Variants in RBFOX1 observed in about 807,000 individuals in gnomAD.
The protein encoded by RBFOX1 is RNA binding protein fox-1 homolog 1.
RBFOX1 carries 8 observed loss-of-function variants against 57.7 expected under a neutral mutation model. That is an observed-to-expected ratio of 0.14 (90% confidence interval 0.08 to 0.25). The LOEUF (loss-of-function observed/expected upper bound fraction) is 0.25, where lower values mean the gene tolerates loss of function less well. RBFOX1 is among the 10% of genes least tolerant of loss of function. RBFOX1 has a pLI of 1.00. For synonymous variants in RBFOX1, 326 were observed against 222.4 expected (o/e 1.47, Z -4.15); for missense variants, 611 against 548.5 (o/e 1.11, Z -1.14).
At chr16:7,419,472 G>C (rs1459834980) in intron 4 of RBFOX1, among the ~76,000 whole-genome samples, 1 of 152,240 alleles carries the variant, frequency 6.6e-6, no homozygotes, top group African/African-American at 2.4e-5. Flanking sequence ...TGAGGGGGCA[G>C]ATTGTATTGT....
At chr16:6,271,495 A>T (rs1449382578) in intron 1 of RBFOX1, among the ~76,000 whole-genome samples, 1 of 152,154 alleles carries the variant, frequency 6.6e-6, no homozygotes, top group Non-Finnish European at 1.5e-5. Flanking sequence ...CAAAACAGTA[A>T]AACAATAGAG....
chr16:6,757,652 G>C (rs112604558), intron 3 of RBFOX1, among the ~76,000 whole-genome samples: 1 of 152,136 alleles, frequency 6.6e-6, no homozygotes, highest in Non-Finnish European at 1.5e-5. Flanking sequence ...GGGAAGGGTA[G>C]AGAAGGTGGG....
intron 13 of RBFOX1, among the ~76,000 whole-genome samples, chr16:7,672,957 A>G (rs372654981): frequency 6.6e-6 from 1 of 151,592 alleles, no homozygotes; most frequent in East Asian, 1.9e-4. Flanking sequence ...TATATAGTAA[A>G]TAAGATTTAA....
chr16:6,925,587 C>T (rs1033743558), intron 3 of RBFOX1, among the ~76,000 whole-genome samples: 5 of 151,708 alleles, frequency 3.3e-5, no homozygotes, highest in African/African-American at 4.8e-5. Flanking sequence ...TAGTTGGTGG[C>T]ATAGAGGAGG....
intron 2 of RBFOX1, among the ~76,000 whole-genome samples, chr16:6,567,076 T>G (rs1483116588): frequency 9.9e-5 from 15 of 152,186 alleles, no homozygotes; most frequent in Non-Finnish European, 1.9e-4. Flanking sequence ...TGAGTTAGTT[T>G]CCCATGAGAC....
At chr16:7,707,922 A>T (rs552929101) in intron 14 of RBFOX1, among the ~76,000 whole-genome samples, 1 of 152,292 alleles carries the variant, frequency 6.6e-6, no homozygotes, top group South Asian at 2.1e-4. Context: ...GCTTTCAAGG[A>T]AGGACGTCAG....
At chr16:6,271,087 A>G (rs1399773354) in intron 1 of RBFOX1, among the ~76,000 whole-genome samples, 7 of 152,214 alleles carry the variant, frequency 4.6e-5, no homozygotes, top group Non-Finnish European at 1.0e-4. Flanking sequence ...ATTAGAGAAG[A>G]GGAAAAGCTT....
At chr16:6,198,234 G>A (rs533613192) in intron 1 of RBFOX1, among the ~76,000 whole-genome samples, 4 of 152,184 alleles carry the variant, frequency 2.6e-5, no homozygotes, top group Admixed American at 1.3e-4. Flanking sequence ...TGAGGTTAGC[G>A]CCAAGACAAG....
At chr16:6,590,237 C>G (rs955891449) in intron 2 of RBFOX1, among the ~76,000 whole-genome samples, 1 of 152,112 alleles carries the variant, frequency 6.6e-6, no homozygotes, top group African/African-American at 2.4e-5. Context: ...TGATTCAGTT[C>G]GATTATCTTT....
At chr16:7,375,745 A>G (rs1036289903) in intron 4 of RBFOX1, among the ~76,000 whole-genome samples, 1 of 152,144 alleles carries the variant, frequency 6.6e-6, no homozygotes, top group Non-Finnish European at 1.5e-5. Context: ...AAATAAAATG[A>G]ATGATTTTTC....
At position 7,516,350 on chromosome 16, in the gene RBFOX1, G is replaced by A. The variant is rs138019837; in HGVS notation, c.28-1797G>A. On this transcript the variant is annotated intron_variant, in intron 4 of 15. Coordinates refer to ENST00000550418, the MANE Select transcript of RBFOX1 (RefSeq NM_018723.4). ...TGGGACTATCTCAGTGGGACCATCT[G>A]ATTGGCCAGGCTGATGTCCTATGGC... is the stretch of plus-strand genomic sequence containing the variant. Among the ~76,000 whole-genome samples the A allele has an allele frequency of 1.4e-4, 21 of 152,170 alleles. No individual in the cohort carries two copies. In the East Asian group the frequency reaches 2.3e-3, roughly 17 times the overall value.
At chr16:5,538,919 T>C (rs2044816411) in intron 2 of RBFOX1, among the ~76,000 whole-genome samples, 1 of 147,992 alleles carries the variant, frequency 6.8e-6, no homozygotes, top group African/African-American at 2.4e-5. Flanking sequence ...TGCACAATTC[T>C]TATATCTAGG....
intron 14 of RBFOX1, among the ~76,000 whole-genome samples, chr16:7,680,685 C>A (rs575029548): frequency 3.3e-5 from 5 of 152,248 alleles, no homozygotes; most frequent in African/African-American, 1.2e-4. Context: ...TGGCAACCAA[C>A]ATAATTTTGT....
intron 2 of RBFOX1, among the ~76,000 whole-genome samples, chr16:6,562,059 C>A (rs752745193): frequency 6.6e-6 from 1 of 152,158 alleles, no homozygotes; most frequent in East Asian, 1.9e-4. Context: ...GGATATTACT[C>A]ATTTCCATCA....
chr16:6,553,886 G>A (rs900974074), intron 2 of RBFOX1, among the ~76,000 whole-genome samples: 9 of 152,048 alleles, frequency 5.9e-5, no homozygotes, highest in African/African-American at 9.7e-5. Context: ...CCTGGGAGTC[G>A]GTTTTATAGA....
At chr16:7,612,366 TC>T (rs1378553294) in intron 10 of RBFOX1, among the ~76,000 whole-genome samples, 2 of 144,548 alleles carry the variant, frequency 1.4e-5, no homozygotes, top group African/African-American at 5.1e-5. Flanking sequence ...TGATTGTAAG[TC>T]CCCACACACA....
chr16:6,886,489 A>T (rs556480716), intron 3 of RBFOX1, among the ~76,000 whole-genome samples: 1 of 152,210 alleles, frequency 6.6e-6, no homozygotes, highest in Non-Finnish European at 1.5e-5. Flanking sequence ...GCGGTGGCTC[A>T]CACCTGTAAT....
intron 5 of RBFOX1, among the ~76,000 whole-genome samples, chr16:7,520,192 G>A (rs2077237307): frequency 6.6e-6 from 1 of 152,120 alleles, no homozygotes; most frequent in African/African-American, 2.4e-5. Flanking sequence ...GCCTAGTTTT[G>A]AAGATTTTTT....
intron 4 of RBFOX1, among the ~76,000 whole-genome samples, chr16:5,903,150 G>A (rs1307804851): frequency 6.6e-6 from 1 of 152,104 alleles, no homozygotes; most frequent in Non-Finnish European, 1.5e-5. Flanking sequence ...ATGTATGCAT[G>A]TCTGTATGGG....
Sources: gnomAD v4.1 joint callset for allele counts (sites outside exome capture counted in the v4.1 genomes callset) on GRCh38, gnomAD v4.1.1 for gene constraint, MANE v1.5 for transcripts, NCBI Gene and HGNC (gene_info 2026-07-23, HGNC 2026-07-21) for gene names.